NAALADL2: variants seen among roughly 807,000 people sequenced by gnomAD.
NAALADL2 encodes the protein N-acetylated alpha-linked acidic dipeptidase like 2.
Under a neutral mutation model 87.2 loss-of-function variants are expected in NAALADL2, and 76 were observed. That is an observed-to-expected ratio of 0.87 (90% CI 0.72 to 1.05). The LOEUF is 1.05. Among genes scored for constraint, NAALADL2 ranks in the 50% least tolerant of loss-of-function variants. The pLI is 0.00. For synonymous variants in NAALADL2, 354 were observed against 331.0 expected (o/e 1.07, Z -0.75); for missense variants, 1,089 against 945.8 (o/e 1.15, Z -1.99).
chr3:175,150,937 A>G (rs1368674157), intron 2 of NAALADL2, among the ~76,000 whole-genome samples: 1 of 152,212 alleles, frequency 6.6e-6, no homozygotes, highest in Non-Finnish European at 1.5e-5. Context: ...ATGCAGGTAA[A>G]GATGATGAGT....
chr3:175,548,603 G>C (rs932985308), intron 9 of NAALADL2, among the ~76,000 whole-genome samples: 14 of 152,114 alleles, frequency 9.2e-5, no homozygotes, highest in Admixed American at 6.5e-4. Context: ...ATAGTTGAGT[G>C]ACATGGTAAA....
rs537774925 is a variant in NAALADL2 at position 175,139,794 on chromosome 3, T to C, written c.545+42503T>C. On this transcript the variant is annotated intron_variant, in intron 2 of 13. Transcript: ENST00000454872. ...AGTAAAAAGCATTTCTTAAAAAAAT[T>C]ATGCATTGCAAATTAGTTTCATGCT... Among the ~76,000 whole-genome samples, 3 of 152,300 alleles carry C rather than the reference T, an allele frequency of 2.0e-5. No homozygotes were observed. In the South Asian group the frequency reaches 6.2e-4, roughly 32 times the overall value.
intron 5 of NAALADL2, among the ~76,000 whole-genome samples, chr3:175,357,392 C>G (rs1764504597): frequency 6.6e-6 from 1 of 152,048 alleles, no homozygotes; most frequent in Admixed American, 6.6e-5. Flanking sequence ...ATACTTCTGC[C>G]AACATTCTTA....
intron 1 of NAALADL2, among the ~76,000 whole-genome samples, chr3:174,527,211 A>G (rs886540866): frequency 1.3e-5 from 2 of 152,134 alleles, no homozygotes; most frequent in African/African-American, 4.8e-5. Flanking sequence ...GAAAACAGAC[A>G]TATATCAGTG....
At chr3:175,412,889 T>A (rs1024429961) in intron 5 of NAALADL2, among the ~76,000 whole-genome samples, 11 of 114,350 alleles carry the variant, frequency 9.6e-5, no homozygotes, top group Non-Finnish European at 1.4e-4. Context: ...TTATTTAATT[T>A]ATTTATTATT....
At chr3:174,513,355 G>A (rs1490091819) in intron 1 of NAALADL2, among the ~76,000 whole-genome samples, 1 of 152,044 alleles carries the variant, frequency 6.6e-6, no homozygotes, top group Non-Finnish European at 1.5e-5. Flanking sequence ...TTCTCTTAAT[G>A]ATTTATTTTT....
chr3:174,453,705 C>T (rs977363696), intron 1 of NAALADL2, among the ~76,000 whole-genome samples: 5 of 152,114 alleles, frequency 3.3e-5, no homozygotes, highest in Non-Finnish European at 7.4e-5. Context: ...TTCATAGAAG[C>T]AAATACTGAG....
intron 3 of NAALADL2, among the ~76,000 whole-genome samples, chr3:174,760,171 G>A (rs1348355725): frequency 6.6e-6 from 1 of 152,144 alleles, no homozygotes; most frequent in Admixed American, 6.6e-5. Context: ...AAAAACAGTG[G>A]AAGAGCCACA....
chr3:174,653,568 C>T (rs535248919), intron 2 of NAALADL2, among the ~76,000 whole-genome samples: 1 of 151,978 alleles, frequency 6.6e-6, no homozygotes, highest in African/African-American at 2.4e-5. Context: ...AACTCATGGT[C>T]TATGATTTTA....
chr3:175,033,569 A>G (rs1467712488), intron 1 of NAALADL2, among the ~76,000 whole-genome samples: 1 of 152,106 alleles, frequency 6.6e-6, no homozygotes, highest in Non-Finnish European at 1.5e-5. Context: ...CTGATCCCAT[A>G]GTTGTATCTC....
intron 9 of NAALADL2, among the ~76,000 whole-genome samples, chr3:175,480,895 A>G (rs1726355277): frequency 6.6e-6 from 1 of 151,932 alleles, no homozygotes; most frequent in Non-Finnish European, 1.5e-5. Flanking sequence ...AGCTCCTTTT[A>G]TTATCTTATC....
At chr3:174,524,050 G>T (rs1720506537) in intron 1 of NAALADL2, among the ~76,000 whole-genome samples, 1 of 150,188 alleles carries the variant, frequency 6.7e-6, no homozygotes, top group African/African-American at 2.5e-5. Flanking sequence ...TAGTTCTTTT[G>T]GTCTTCTGAA....
chr3:174,598,753 A>T (rs1422772408), intron 2 of NAALADL2, among the ~76,000 whole-genome samples: 1 of 152,170 alleles, frequency 6.6e-6, no homozygotes, highest in Non-Finnish European at 1.5e-5. Context: ...ATTACTATAG[A>T]AAAAAAGTAC....
intron 4 of NAALADL2, among the ~76,000 whole-genome samples, chr3:175,275,727 A>C (rs1201982186): frequency 1.3e-5 from 2 of 152,080 alleles, no homozygotes; most frequent in Non-Finnish European, 2.9e-5. Flanking sequence ...TAAAATGTTG[A>C]CATTTTCTAA....
chr3:174,750,752 T>C (rs1223148779), intron 3 of NAALADL2, among the ~76,000 whole-genome samples: 6 of 152,120 alleles, frequency 3.9e-5, no homozygotes, highest in Admixed American at 3.9e-4. Context: ...TTCTTAATTA[T>C]GTAAATAAAG....
At chr3:175,650,044 A>G (rs1400773280) in intron 11 of NAALADL2, among the ~76,000 whole-genome samples, 1 of 138,818 alleles carries the variant, frequency 7.2e-6, no homozygotes, top group Non-Finnish European at 1.5e-5. Flanking sequence ...CATTATTCAG[A>G]ATAACCCCAC....
intron 4 of NAALADL2, among the ~76,000 whole-genome samples, chr3:175,293,769 A>G (rs545689703): frequency 1.3e-5 from 2 of 152,308 alleles, no homozygotes; most frequent in South Asian, 4.1e-4. Flanking sequence ...CATTGCTTTG[A>G]TTTCAGGTTT....
At chr3:174,884,304 G>A (rs1306425069) in intron 1 of NAALADL2, among the ~76,000 whole-genome samples, 2 of 152,166 alleles carry the variant, frequency 1.3e-5, no homozygotes, top group African/African-American at 4.8e-5. Context: ...CAGAGCATAT[G>A]TGACCTTCTG....
chr3:175,362,183 G>A, intron 5 of NAALADL2, among the ~76,000 whole-genome samples: 1 of 148,008 alleles, frequency 6.8e-6, no homozygotes. Flanking sequence ...TTGTAGATGT[G>A]TGGTATTATT....
Sources: gnomAD v4.1 joint callset for allele counts (sites outside exome capture counted in the v4.1 genomes callset) on GRCh38, gnomAD v4.1.1 for gene constraint, MANE v1.5 for transcripts, NCBI Gene and HGNC (gene_info 2026-07-23, HGNC 2026-07-21) for gene names.